Variants in KRABD4 observed in about 807,000 individuals in gnomAD.
The protein encoded by KRABD4 is KRAB domain-containing protein 4.
At chrX:46,457,070 C>A in the KRABD4 span, 1 of 358,120 alleles carries the variant, frequency 2.8e-6, no homozygotes, top group African/African-American at 2.7e-5. Context: ...TTTTGTTGTC[C>A]CTCCGTGGCG....
At chrX:46,466,237 CCTTTTA>C in the KRABD4 span, among the ~76,000 whole-genome samples, 1 of 111,905 alleles carries the variant, frequency 8.9e-6, no homozygotes, top group Non-Finnish European at 1.9e-5. Flanking sequence ...ATTGATTTCT[CCTTTTA>C]CTTTTATTTG....
chrX:46,452,484 C>T, the KRABD4 span, among the ~76,000 whole-genome samples: 2 of 110,904 alleles, frequency 1.8e-5, no homozygotes, highest in African/African-American at 3.3e-5. Flanking sequence ...ACCAAAATAT[C>T]TCTTGTCATT....
the KRABD4 span, among the ~76,000 whole-genome samples, chrX:46,460,411 C>G: frequency 3.3e-5 from 3 of 91,180 alleles, no homozygotes; most frequent in Admixed American, 3.7e-4. Flanking sequence ...GAGCGAAACT[C>G]AGTCTCAAAA....
chrX:46,472,265 C>T, the KRABD4 span: 1 of 118,308 alleles, frequency 8.5e-6, no homozygotes, highest in African/African-American at 3.2e-5. Context: ...TTCTTCTTAA[C>T]ATTTTCATTA....
the KRABD4 span, among the ~76,000 whole-genome samples, chrX:46,469,301 G>A: frequency 8.9e-6 from 1 of 112,165 alleles, no homozygotes; most frequent in Non-Finnish European, 1.9e-5. Flanking sequence ...GCAATATTGA[G>A]CCTTCTAAAT....
the KRABD4 span, chrX:46,463,263 G>A: frequency 9.9e-6 from 12 of 1,212,334 alleles, no homozygotes; most frequent in Admixed American, 2.6e-4. Context: ...CTGGATGGCA[G>A]ATGGGGGGAC....
chrX:46,463,142 G>C, the KRABD4 span: 3 of 1,152,947 alleles, frequency 2.6e-6, no homozygotes, highest in Non-Finnish European at 2.4e-6. Context: ...GGTGGGCCTA[G>C]GTTCTGGAAT....
the KRABD4 span, chrX:46,473,460 A>C: frequency 2.9e-6 from 3 of 1,040,815 alleles, no homozygotes; most frequent in South Asian, 4.4e-5. Flanking sequence ...TAGGAAGTCA[A>C]CTCTCATTAA....
chrX:46,466,980 T>C, the KRABD4 span, among the ~76,000 whole-genome samples: 1 of 112,422 alleles, frequency 8.9e-6, no homozygotes. Flanking sequence ...TAGAATATCA[T>C]GTGGCTGGCT....
chrX:46,472,963 C>T, the KRABD4 span: 1 of 1,211,484 alleles, frequency 8.3e-7, no homozygotes, highest in Non-Finnish European at 1.1e-6. Flanking sequence ...TTCAAAACAT[C>T]ATTTAAACTT....
the KRABD4 span, chrX:46,463,268 G>A: frequency 1.6e-4 from 190 of 1,210,585 alleles, no homozygotes; most frequent in Non-Finnish European, 1.9e-4. Flanking sequence ...TGGCAGATGG[G>A]GGGACCCCGG....
the KRABD4 span, among the ~76,000 whole-genome samples, chrX:46,466,476 G>A: frequency 3.6e-5 from 4 of 111,501 alleles, no homozygotes; most frequent in Non-Finnish European, 7.5e-5. Flanking sequence ...CCATCAATTC[G>A]ATTTATTTTC....
chrX:46,448,413 G>A, the KRABD4 span: 1 of 112,895 alleles, frequency 8.9e-6, no homozygotes, highest in Admixed American at 9.3e-5. Flanking sequence ...TTGGACACAA[G>A]AGAGGTACGC....
chrX:46,456,332 TA>T, the KRABD4 span: 4 of 105,735 alleles, frequency 3.8e-5, no homozygotes, highest in African/African-American at 1.4e-4. Context: ...TATAATTTAT[TA>T]ATTATTATAA....
the KRABD4 span, chrX:46,448,476 C>A: frequency 2.6e-5 from 3 of 113,287 alleles, no homozygotes; most frequent in East Asian, 5.5e-4. Flanking sequence ...AGACCCAGAT[C>A]CTCAGGGCAG....
chrX:46,457,328 G>A, the KRABD4 span: 84 of 137,810 alleles, frequency 6.1e-4, no homozygotes, highest in African/African-American at 2.4e-3. Flanking sequence ...GTTAAAACCC[G>A]TAGAATCAAA....
chrX:46,461,666 A>G, the KRABD4 span, among the ~76,000 whole-genome samples: 2 of 111,926 alleles, frequency 1.8e-5, no homozygotes, highest in Non-Finnish European at 3.8e-5. Flanking sequence ...TGTAGAAGTG[A>G]GTTCTTGTTT....
At chrX:46,465,232 C>T in the KRABD4 span, among the ~76,000 whole-genome samples, 1 of 113,183 alleles carries the variant, frequency 8.8e-6, no homozygotes, top group Non-Finnish European at 1.9e-5. Context: ...AACACAACCC[C>T]TAGACATAAG....
chrX:46,472,750 A>T, the KRABD4 span: 1 of 1,206,896 alleles, frequency 8.3e-7, no homozygotes, highest in East Asian at 3.0e-5. Context: ...TTTCTTCTAG[A>T]AGTCTGGCAA....
Sources: allele counts gnomAD v4.1 joint callset (sites outside exome capture counted in the v4.1 genomes callset), GRCh38; gene constraint gnomAD v4.1.1; transcripts MANE v1.5; gene names NCBI Gene and HGNC (gene_info 2026-07-23, HGNC 2026-07-21).